KLC1: variants seen among roughly 807,000 people sequenced by gnomAD.
KLC1 encodes the protein kinesin light chain 1.
Under a neutral mutation model 84.2 loss-of-function variants are expected in KLC1, and 30 were observed. The observed-to-expected ratio is 0.36, with a 90% CI of 0.27 to 0.48. KLC1 has a LOEUF of 0.48. KLC1 is among the 20% of genes least tolerant of loss of function. KLC1 has a pLI of 0.99. For missense variants in KLC1, 499 were observed against 805.4 expected (o/e 0.62, Z 4.60); for synonymous variants, 289 against 293.3 (o/e 0.99, Z 0.15).
In KLC1 at chr14:103,669,545, C is replaced by T. The variant is rs566852073; in HGVS notation, c.832C>T (p.Leu278=). The change falls in exon 6 of 17, where the codon CTG becomes TTG. Residue 278 remains leucine, a synonymous_variant. Coordinates refer to ENST00000334553, the MANE Select transcript of KLC1 (RefSeq NM_001394837.1). ...QNKYKDAANL[L]NDALAIREKT... Reference sequence around the variant, plus strand: ...TAAATACAAAGATGCAGCTAACCTACTGAATGATGCCTTGGCTATTCGTGA... The same window carrying T: ...TAAATACAAAGATGCAGCTAACCTATTGAATGATGCCTTGGCTATTCGTGA... 49 of 1,612,866 alleles carry T rather than the reference C, an allele frequency of 3.0e-5. 1 individual carries two copies. In the South Asian group the frequency reaches 4.9e-4, roughly 16 times the overall value.
intron 15 of KLC1, chr14:103,696,383 G>A (rs1298156125): frequency 7.1e-6 from 7 of 985,282 alleles, no homozygotes; most frequent in Middle Eastern, 5.2e-4. Flanking sequence ...GATTCACATC[G>A]TTGTTTTCTG....
At chr14:103,631,412 T>G (rs1052606252) in intron 1 of KLC1, among the ~76,000 whole-genome samples, 1 of 152,156 alleles carries the variant, frequency 6.6e-6, no homozygotes, top group Admixed American at 6.6e-5. Context: ...TTATACATTC[T>G]TAGGCATGTT....
At chr14:103,633,506 A>G (rs897096626) in intron 1 of KLC1, among the ~76,000 whole-genome samples, 3 of 152,154 alleles carry the variant, frequency 2.0e-5, no homozygotes, top group African/African-American at 7.2e-5. Flanking sequence ...GACAGAAGGA[A>G]CAGAGAAGCT....
Position 103,693,819 on chromosome 14 carries a change from A to T in KLC1, c.1848+1394A>T. ...ATTCTGTTACTCGGCCTGCAGCCCC[A>T]GTGCCAGGAGCCACCCCGACCGCGA... On this transcript the variant is annotated intron_variant, in intron 15 of 16. Coordinates refer to ENST00000334553, the MANE Select transcript of KLC1 (RefSeq NM_001394837.1). The surrounding 1 kb of genome is among the most constrained non-coding windows in gnomAD (Gnocchi z 5.1). 1 of 1,394,168 alleles carries T rather than the reference A, an allele frequency of 7.2e-7. No homozygotes were observed. The highest frequency in any genetic ancestry group is 9.3e-7 in the Non-Finnish European group (1 of 1,077,538). 86.4% of individuals were successfully genotyped at this position (1,394,168 alleles called of 1,614,324 possible). A position where few individuals can be genotyped will look rare whatever the true frequency, so the allele number is the denominator to read the frequency against.
chr14:103,692,850 A>T (rs17101763), intron 15 of KLC1, among the ~76,000 whole-genome samples: 3 of 152,250 alleles, frequency 2.0e-5, no homozygotes, highest in Non-Finnish European at 2.9e-5. Context: ...CTCTGTTAAC[A>T]TGATGACTAG....
intron 9 of KLC1, among the ~76,000 whole-genome samples, chr14:103,674,532 A>G (rs1294783928): frequency 6.6e-6 from 1 of 151,640 alleles, no homozygotes; most frequent in East Asian, 1.9e-4. Context: ...CTCCTACCTC[A>G]GCCTCCCGAG....
At position 103,670,208 on chromosome 14, in the gene KLC1, A is replaced by T; in HGVS notation, c.912A>T (p.Ala304=). The T allele has an allele frequency of 1.2e-6, 2 of 1,613,474 alleles. No individual in the cohort carries two copies. The highest frequency in any genetic ancestry group is 1.7e-6 in the Non-Finnish European group (2 of 1,179,552). ...TGGCGGCGACTTTGAATAACCTTGC[A>T]GTCCTTTATGGTAAAAGAGGGAAGT... ...PAVAATLNNL[A]VLYGKRGKYK... The change falls in exon 7 of 17, where the codon GCA becomes GCT. Residue 304 remains alanine, a synonymous_variant. Coordinates refer to ENST00000334553, the MANE Select transcript of KLC1 (RefSeq NM_001394837.1).
intron 13 of KLC1, chr14:103,685,755 G>A (rs1180694721): frequency 7.8e-7 from 1 of 1,280,492 alleles, no homozygotes; most frequent in African/African-American, 1.5e-5. Flanking sequence ...TCTTGTCAGA[G>A]CTGCACCTCT....
intron 5 of KLC1, among the ~76,000 whole-genome samples, chr14:103,663,360 G>A (rs926809560): frequency 1.6e-4 from 25 of 152,258 alleles, no homozygotes; most frequent in African/African-American, 5.8e-4. Context: ...GATTACAGGC[G>A]TGAGCCACCG....
chr14:103,696,140 TC>T (rs2082490998), intron 15 of KLC1: 3 of 935,540 alleles, frequency 3.2e-6, no homozygotes, highest in Non-Finnish European at 3.7e-6. Flanking sequence ...GCAGCGCCCG[TC>T]CCCAGCAACC....
At chr14:103,681,351 G>A (rs905850973) in intron 13 of KLC1, among the ~76,000 whole-genome samples, 1 of 152,210 alleles carries the variant, frequency 6.6e-6, no homozygotes. Flanking sequence ...GGGCAGCTGA[G>A]GCTGCCTCAG....
At chr14:103,700,965 C>T (rs1222459080) in intron 16 of KLC1, among the ~76,000 whole-genome samples, 1 of 152,238 alleles carries the variant, frequency 6.6e-6, no homozygotes, top group Non-Finnish European at 1.5e-5. Context: ...GCTCTGTGTC[C>T]ACACCCCTGG....
chr14:103,672,188 A>G (rs972306585), intron 7 of KLC1, among the ~76,000 whole-genome samples: 1 of 152,168 alleles, frequency 6.6e-6, no homozygotes, highest in Non-Finnish European at 1.5e-5. Flanking sequence ...TGCATCTTGA[A>G]TAATTGAGTT....
intron 15 of KLC1, 34 bp downstream of exon 15, chr14:103,692,459 G>A (rs1280679629): frequency 1.3e-6 from 2 of 1,526,992 alleles, no homozygotes; most frequent in Non-Finnish European, 1.8e-6. Flanking sequence ...GTCCTAGGCT[G>A]CCCAGACCAC....
At chr14:103,634,122 G>A in intron 1 of KLC1, among the ~76,000 whole-genome samples, 1 of 152,158 alleles carries the variant, frequency 6.6e-6, no homozygotes, top group East Asian at 1.9e-4. Context: ...ACCTGCCTCA[G>A]CCTCCCAAAG....
chr14:103,695,020 C>A, intron 15 of KLC1: 3 of 985,332 alleles, frequency 3.0e-6, no homozygotes, highest in Non-Finnish European at 3.6e-6. Context: ...GGCCGTGGCT[C>A]CTTTTCTGAG....
Position 103,637,997 on chromosome 14 carries a change from A to G in KLC1, c.-2+8503A>G, listed in dbSNP as rs115951082. Among the ~76,000 whole-genome samples the G allele has an allele frequency of 8.8e-3, 1,344 of 152,116 alleles. 24 individuals carry two copies. The highest frequency in any genetic ancestry group is 0.031 in the African/African-American group (1,284 of 41,512). On this transcript the variant is annotated intron_variant, in intron 1 of 16. Coordinates refer to ENST00000334553, the MANE Select transcript of KLC1 (RefSeq NM_001394837.1). ...TAAGCCACTATGCTGGGCCACCAAG[A>G]TACTATTTATTTCCCTGAATATGAC...
chr14:103,638,214 C>G (rs1470411668), intron 1 of KLC1, among the ~76,000 whole-genome samples: 1 of 152,138 alleles, frequency 6.6e-6, no homozygotes, highest in Non-Finnish European at 1.5e-5. Context: ...CCTCTGTTTT[C>G]TTCCCTCCAT....
intron 1 of KLC1, among the ~76,000 whole-genome samples, chr14:103,634,285 G>T (rs147663755): frequency 6.6e-6 from 1 of 152,134 alleles, no homozygotes; most frequent in African/African-American, 2.4e-5. Flanking sequence ...TGCTTGGCGT[G>T]TAATAGGAAC....
Sources: allele counts gnomAD v4.1 joint callset (sites outside exome capture counted in the v4.1 genomes callset), GRCh38; gene constraint gnomAD v4.1.1; non-coding constraint Gnocchi (gnomAD v3.1); transcripts MANE v1.5; gene names NCBI Gene and HGNC (gene_info 2026-07-23, HGNC 2026-07-21).